LSM12: variants seen among roughly 807,000 people sequenced by gnomAD.
LSM12 encodes the protein protein LSM12.
For missense variants in LSM12, 108 were observed against 238.9 expected (o/e 0.45, Z 3.61); for synonymous variants, 74 against 87.3 (o/e 0.85, Z 0.85).
Position 44,046,327 on chromosome 17 carries a change from A to ACT in LSM12, c.259-6073_259-6072dup, listed in dbSNP as rs767926103. ...TGTTTTTACTTTTGTTAGGTAGATA[A>ACT]CTAAGAGTAGAATTTCTGGGTCATA... On this transcript the variant is annotated intron_variant, in intron 2 of 4. Transcript: ENST00000293406. Among the ~76,000 whole-genome samples, 51 of 152,290 alleles carry ACT rather than the reference A, an allele frequency of 3.3e-4. 1 individual carries two copies. The highest frequency in any genetic ancestry group is 2.1e-4 in the South Asian group (1 of 4,822).
Position 44,063,747 on chromosome 17 carries a change from G to A in LSM12, c.258+54C>T, listed in dbSNP as rs139334042. ...CAACAATGTATCACTAAGACTCAAT[G>A]AGACTCATCTTTCCCACCATTTTAG... On this transcript the variant is annotated intron_variant, in intron 2 of 4. Transcript: ENST00000293406. 4,385 of 1,563,484 alleles carry A rather than the reference G, an allele frequency of 2.8e-3. 13 individuals are homozygous for A. Among genetic ancestry groups the A allele is most frequent in the Middle Eastern group, 6.0e-3 (26 of 4,364 alleles).
intron 2 of LSM12, among the ~76,000 whole-genome samples, chr17:44,049,116 G>A (rs774485539): frequency 6.6e-5 from 10 of 152,084 alleles, no homozygotes; most frequent in East Asian, 1.9e-4. Flanking sequence ...ACTTGAACCC[G>A]GGAGACGGAG....
Position 44,034,551 on chromosome 17 carries a change from TA to T in LSM12, c.*1656del, listed in dbSNP as rs2049395691. On this transcript the variant is annotated 3_prime_UTR_variant, in exon 5 of 5. Coordinates refer to ENST00000293406, the MANE Select transcript of LSM12 (RefSeq NM_001371445.1). ...GGTAAATAGTAGGAAGAAGAGACTC[TA>T]AAGAGAAAGGTCAAATCAGACAGAC... is the stretch of plus-strand genomic sequence containing the variant. 1 of 152,418 alleles carries T rather than the reference TA, an allele frequency of 6.6e-6. No homozygotes were observed. Among genetic ancestry groups the T allele is most frequent in the Non-Finnish European group, 1.5e-5 (1 of 68,012 alleles). 9.4% of individuals were successfully genotyped at this position (152,418 alleles called of 1,614,324 possible). A position where few individuals can be genotyped will look rare whatever the true frequency, so the allele number is the denominator to read the frequency against.
rs2049470980 is a variant in LSM12, at chr17:44,040,283, C to A, written c.259-27G>T. 2.6e-6 allele frequency: 4 copies of A among 1,548,238 alleles called. No individual in the cohort carries two copies. In the African/African-American group the frequency reaches 5.4e-5, roughly 21 times the overall value. ...TAGGGTGGAAGAGAGGAAAGAGACT[C>A]AGAATAGGATTCATCTTCATTCTTG... On this transcript the variant is annotated intron_variant, in intron 2 of 4. Coordinates refer to ENST00000293406, the MANE Select transcript of LSM12 (RefSeq NM_001371445.1).
intron 3 of LSM12, 47 bp from the exon 4 acceptor site, chr17:44,037,585 C>T (rs1320594026): frequency 3.9e-6 from 6 of 1,544,510 alleles, no homozygotes; most frequent in Admixed American, 4.1e-5. Context: ...TGGGGGCATC[C>T]CACATCTCCT....
chr17:44,067,417 C>T (rs1234095436), upstream of LSM12: 1 of 152,210 alleles, frequency 6.6e-6, no homozygotes, highest in Non-Finnish European at 1.5e-5. Context: ...CTTACTAAAT[C>T]ACCTGACCTT....
chr17:44,042,966 G>C (rs986915457), intron 2 of LSM12, among the ~76,000 whole-genome samples: 1 of 152,036 alleles, frequency 6.6e-6, no homozygotes, highest in African/African-American at 2.4e-5. Flanking sequence ...GCCTCCCAAA[G>C]TGCTGGTATT....
chr17:44,044,181 T>A (rs1478980318), intron 2 of LSM12, among the ~76,000 whole-genome samples: 2 of 151,876 alleles, frequency 1.3e-5, no homozygotes, highest in East Asian at 3.9e-4. Flanking sequence ...ACTGACAAAT[T>A]AAGCTAGAGA....
Position 44,037,394 on chromosome 17 carries a change from G to T in LSM12, c.495+18C>A. On this transcript the variant is annotated intron_variant, in intron 4 of 4. Transcript: ENST00000293406. Reference sequence around the variant, plus strand: ...AACCATCCTCTCTCCCCTAAAGTCTGAAGGCTCCTTTACTTACTATTTTGC... The same window carrying T: ...AACCATCCTCTCTCCCCTAAAGTCTTAAGGCTCCTTTACTTACTATTTTGC... 1 of 1,574,928 alleles carries T rather than the reference G, an allele frequency of 6.3e-7. No individual in the cohort carries two copies. The highest frequency in any genetic ancestry group is 8.6e-7 in the Non-Finnish European group (1 of 1,164,420).
At chr17:44,037,690 G>T in intron 3 of LSM12, 152 bp from the exon 4 acceptor site, 2 of 863,496 alleles carry the variant, frequency 2.3e-6, no homozygotes, top group Non-Finnish European at 1.6e-6. Flanking sequence ...TAGTAGCCAA[G>T]AAACATTCCT....
intron 2 of LSM12, among the ~76,000 whole-genome samples, chr17:44,063,160 C>T (rs539154978): frequency 1.5e-4 from 23 of 152,100 alleles, no homozygotes; most frequent in African/African-American, 5.3e-4. Context: ...CTCAGAAGGC[C>T]GAGGCAGGAG....
intron 2 of LSM12, among the ~76,000 whole-genome samples, chr17:44,058,905 G>A (rs1394908707): frequency 6.6e-6 from 1 of 152,060 alleles, no homozygotes; most frequent in African/African-American, 2.4e-5. Flanking sequence ...GAGGCGAGGT[G>A]GAAAGATCAC....
In LSM12 at chr17:44,059,455, G is replaced by A. The variant is rs538792705; in HGVS notation, c.258+4346C>T. The stretch of plus-strand genomic sequence containing the variant: ...AATAGAAAAATTAGCCGGGCATGGT[G>A]GCAGCAGGCGCCTGTAATCCCAGCT... On this transcript the variant is annotated intron_variant, in intron 2 of 4. Transcript: ENST00000293406. Among the ~76,000 whole-genome samples the A allele has an allele frequency of 9.2e-5, 14 of 152,148 alleles. No homozygotes were observed. The East Asian group carries it at 2.7e-3, about 30-fold the overall frequency.
At chr17:44,054,642 C>T (rs2049687687) in intron 2 of LSM12, among the ~76,000 whole-genome samples, 1 of 151,728 alleles carries the variant, frequency 6.6e-6, no homozygotes, top group Non-Finnish European at 1.5e-5. Context: ...AATTATTCCA[C>T]CTTTCTGACC....
Position 44,036,310 on chromosome 17 carries a change from AC to A in LSM12, c.496-11del. ...TAAAATGTTTTTCAACCTGAAAAAGACCAGGCAACCCAGGTCAACAAAGGAG... is the reference window on the plus strand; with the variant it reads ...TAAAATGTTTTTCAACCTGAAAAAGACAGGCAACCCAGGTCAACAAAGGAG... On this transcript the variant is annotated splice_polypyrimidine_tract_variant and intron_variant, in intron 4 of 4. Coordinates refer to ENST00000293406, the MANE Select transcript of LSM12 (RefSeq NM_001371445.1). 1 of 1,614,130 alleles carries A rather than the reference AC, an allele frequency of 6.2e-7. No homozygotes were observed. The highest frequency in any genetic ancestry group is 1.3e-5 in the African/African-American group (1 of 75,046).
At chr17:44,066,143 C>T (rs940842378) in intron 1 of LSM12, among the ~76,000 whole-genome samples, 4 of 151,536 alleles carry the variant, frequency 2.6e-5, no homozygotes, top group African/African-American at 9.7e-5. Flanking sequence ...CCTCCCACCA[C>T]CACCCCCTCT....
rs1290523434 is a variant in LSM12, at chr17:44,034,752, AAAGG to A, written c.*1452_*1455del. ...TGATCCATTTATTTAATTAAAAAAA[AAAGG>A]AAGGGGAAAGAGATCATGGCCAAAA... On this transcript the variant is annotated 3_prime_UTR_variant, in exon 5 of 5. Coordinates refer to ENST00000293406, the MANE Select transcript of LSM12 (RefSeq NM_001371445.1). The A allele has an allele frequency of 3.0e-4, 39 of 131,660 alleles. No homozygotes were observed. The highest frequency in any genetic ancestry group is 5.1e-4 in the Non-Finnish European group (32 of 62,366). 8.2% of individuals were successfully genotyped at this position (131,660 alleles called of 1,614,324 possible).
At chr17:44,063,144 C>A (rs1213315142) in intron 2 of LSM12, among the ~76,000 whole-genome samples, 1 of 152,010 alleles carries the variant, frequency 6.6e-6, no homozygotes, top group Non-Finnish European at 1.5e-5. Flanking sequence ...CATGTAATCC[C>A]AGCTACTCAG....
intron 2 of LSM12, among the ~76,000 whole-genome samples, chr17:44,050,457 C>T (rs1004359685): frequency 2.0e-5 from 3 of 151,782 alleles, no homozygotes; most frequent in Admixed American, 6.6e-5. Context: ...AAAAATATAT[C>T]TTCTGAATAT....
Sources: gnomAD v4.1 joint callset for allele counts (sites outside exome capture counted in the v4.1 genomes callset) on GRCh38, gnomAD v4.1.1 for gene constraint, MANE v1.5 for transcripts, NCBI Gene and HGNC (gene_info 2026-07-23, HGNC 2026-07-21) for gene names.